PCDH15: variants seen among roughly 807,000 people sequenced by gnomAD.
The protein encoded by PCDH15 is protocadherin related 15.
A neutral mutation model predicts 178.5 loss-of-function variants in PCDH15; 129 were observed. The ratio of observed to expected loss-of-function variants is 0.72; its 90% CI spans 0.63 to 0.84. The LOEUF (loss-of-function observed/expected upper bound fraction) is 0.84. Ranked by LOEUF, PCDH15 falls within the 40% of genes least tolerant of loss-of-function variation. PCDH15 has a pLI of 0.00. For synonymous variants in PCDH15, 800 were observed against 732.0 expected, an observed-to-expected ratio of 1.09 and a Z score of -1.50; for missense variants, 2,230 against 2,099.9, an observed-to-expected ratio of 1.06 and a Z score of -1.21.
chr10:54,498,295 G>A (rs1029662912), intron 3 of PCDH15, among the ~76,000 whole-genome samples: 1 of 152,038 alleles, frequency 6.6e-6, no homozygotes, highest in Admixed American at 6.6e-5. Context: ...CTTACAAAAG[G>A]TCCATCAGGG....
At chr10:53,903,984 A>C (rs2082501235) in intron 25 of PCDH15, among the ~76,000 whole-genome samples, 1 of 152,146 alleles carries the variant, frequency 6.6e-6, no homozygotes, top group Non-Finnish European at 1.5e-5. Context: ...TATGATTATG[A>C]CTCATAAATG....
At chr10:53,843,910 C>T (rs1243114284) in intron 28 of PCDH15, among the ~76,000 whole-genome samples, 2 of 152,020 alleles carry the variant, frequency 1.3e-5, no homozygotes, top group Admixed American at 6.6e-5. Context: ...GAACAAAATA[C>T]AATCTTTGAT....
chr10:55,391,980 T>C (rs1267261953), intron 2 of PCDH15, among the ~76,000 whole-genome samples: 1 of 152,146 alleles, frequency 6.6e-6, no homozygotes, highest in Non-Finnish European at 1.5e-5. Context: ...GAGGCCATTG[T>C]AGGGTTATTA....
In PCDH15 at chr10:54,077,489, T is replaced by C. The variant is rs2094362360; in HGVS notation, c.2091+1842A>G. On this transcript the variant is annotated intron_variant, in intron 17 of 37. Transcript: ENST00000644397. Reference sequence around the variant, plus strand: ...CTAGCTAATATTACTGCCATTAGTTTCTGATTTATAATGTGGCATATTTCA... The same window carrying C: ...CTAGCTAATATTACTGCCATTAGTTCCTGATTTATAATGTGGCATATTTCA... Among the ~76,000 whole-genome samples, 3 of 152,324 alleles carry C rather than the reference T, an allele frequency of 2.0e-5. No homozygotes were observed. In the South Asian group the frequency reaches 6.2e-4, roughly 32 times the overall value.
chr10:54,359,232 T>C (rs553940181), intron 5 of PCDH15, among the ~76,000 whole-genome samples: 2 of 152,136 alleles, frequency 1.3e-5, no homozygotes, highest in African/African-American at 4.8e-5. Context: ...CATAGTGCTC[T>C]AACTTTTTAA....
At chr10:55,431,440 A>T (rs567319935) in intron 2 of PCDH15, among the ~76,000 whole-genome samples, 1 of 152,272 alleles carries the variant, frequency 6.6e-6, no homozygotes, top group East Asian at 1.9e-4. Context: ...TTTCTTAAAA[A>T]TTACATCTGT....
At chr10:54,085,258 A>G (rs2094497733) in intron 16 of PCDH15, among the ~76,000 whole-genome samples, 1 of 152,162 alleles carries the variant, frequency 6.6e-6, no homozygotes, top group South Asian at 2.1e-4. Context: ...TAATCACCAA[A>G]GAAAAAATTA....
Position 53,810,541 on chromosome 10 carries a change from A to C in PCDH15, c.4671+15T>G. Reference sequence around the variant, plus strand: ...CTTGGAATATTATCTTACATAATAAAATTACAGTAATTACCTCTTCCTCCT... The same window carrying C: ...CTTGGAATATTATCTTACATAATAACATTACAGTAATTACCTCTTCCTCCT... On this transcript the variant is annotated intron_variant, in intron 37 of 37. Coordinates refer to ENST00000644397, the MANE Select transcript of PCDH15 (RefSeq NM_001384140.1). 1 of 1,600,388 alleles carries C rather than the reference A, an allele frequency of 6.2e-7. No homozygotes were observed. Among genetic ancestry groups the C allele is most frequent in the Non-Finnish European group, 8.6e-7 (1 of 1,168,282 alleles).
At chr10:54,552,923 C>T (rs1287468148) in intron 2 of PCDH15, among the ~76,000 whole-genome samples, 1 of 152,128 alleles carries the variant, frequency 6.6e-6, no homozygotes, top group Non-Finnish European at 1.5e-5. Context: ...AGACAATAGT[C>T]TGCTTATTTG....
intron 1 of PCDH15, among the ~76,000 whole-genome samples, chr10:54,673,839 GT>G (rs1345913328): frequency 1.3e-5 from 2 of 152,066 alleles, no homozygotes; most frequent in Admixed American, 6.6e-5. Flanking sequence ...TAAAATATTT[GT>G]TTTCTATATA....
intron 2 of PCDH15, among the ~76,000 whole-genome samples, chr10:55,008,983 C>T (rs913716071): frequency 1.3e-5 from 2 of 152,088 alleles, no homozygotes; most frequent in Non-Finnish European, 2.9e-5. Context: ...ATCCTCCATA[C>T]TCGTCTCACT....
At chr10:53,815,039 A>T (rs1339663401) in intron 35 of PCDH15, among the ~76,000 whole-genome samples, 1 of 152,050 alleles carries the variant, frequency 6.6e-6, no homozygotes, top group Non-Finnish European at 1.5e-5. Context: ...CAACAAGGGA[A>T]TGCTGGCCCT....
chr10:54,715,600 T>C (rs542358364), intron 1 of PCDH15, among the ~76,000 whole-genome samples: 1 of 152,132 alleles, frequency 6.6e-6, no homozygotes, highest in Non-Finnish European at 1.5e-5. Context: ...TGGAACATTT[T>C]CTTTCATGGC....
chr10:54,256,327 A>G (rs945550494), intron 8 of PCDH15, among the ~76,000 whole-genome samples: 30 of 152,226 alleles, frequency 2.0e-4, no homozygotes, highest in African/African-American at 7.0e-4. Context: ...GTTAACTTTT[A>G]AAGGTAAAGA....
chr10:54,072,366 CAGATTGT>C (rs1565184835), intron 17 of PCDH15, among the ~76,000 whole-genome samples: 2 of 152,154 alleles, frequency 1.3e-5, no homozygotes, highest in Admixed American at 6.6e-5. Context: ...CAACTTCATT[CAGATTGT>C]AGAGTTTCAT....
At chr10:54,715,166 A>C (rs2095465557) in intron 1 of PCDH15, among the ~76,000 whole-genome samples, 1 of 152,148 alleles carries the variant, frequency 6.6e-6, no homozygotes, top group Non-Finnish European at 1.5e-5. Flanking sequence ...CTCGGTTTAG[A>C]CTTAAAATAA....
chr10:54,630,132 C>T (rs567832373), intron 2 of PCDH15, among the ~76,000 whole-genome samples: 9 of 151,858 alleles, frequency 5.9e-5, no homozygotes, highest in Non-Finnish European at 8.8e-5. Flanking sequence ...CTGGATCTAC[C>T]GACTACGTTT....
At chr10:55,043,117 C>T (rs1392553309) in intron 2 of PCDH15, among the ~76,000 whole-genome samples, 1 of 151,724 alleles carries the variant, frequency 6.6e-6, no homozygotes, top group Non-Finnish European at 1.5e-5. Flanking sequence ...CCTTTGTTTT[C>T]TTTTTGTTTG....
intron 2 of PCDH15, among the ~76,000 whole-genome samples, chr10:55,501,709 A>G (rs1221761573): frequency 6.6e-6 from 1 of 151,764 alleles, no homozygotes; most frequent in Non-Finnish European, 1.5e-5. Context: ...TAGTTATGTC[A>G]TTTGTGCAAA....
Sources: allele counts gnomAD v4.1 joint callset (sites outside exome capture counted in the v4.1 genomes callset), GRCh38; gene constraint gnomAD v4.1.1; transcripts MANE v1.5; gene names NCBI Gene and HGNC (gene_info 2026-07-23, HGNC 2026-07-21).